Variants in PMPCA observed in about 807,000 individuals in gnomAD.
PMPCA encodes the protein mitochondrial-processing peptidase subunit alpha.
Under a neutral mutation model 59.3 loss-of-function variants are expected in PMPCA, and 47 were observed. The ratio of observed to expected loss-of-function variants is 0.79; its 90% CI spans 0.63 to 1.01. The LOEUF (loss-of-function observed/expected upper bound fraction) is 1.01, where lower values mean the gene tolerates loss of function less well. Ranked by LOEUF, PMPCA falls within the 50% of genes least tolerant of loss-of-function variation. The probability of loss-of-function intolerance (pLI) is 0.00; values close to 1 mark genes in which losing one functional copy is unlikely to be tolerated. For missense variants in PMPCA, 726 were observed against 704.5 expected (o/e 1.03, Z -0.34); for synonymous variants, 338 against 290.3 (o/e 1.16, Z -1.67).
chr9:136,422,042 G>A (rs997975124), intron 12 of PMPCA, 66 bp downstream of exon 12: 12 of 1,556,338 alleles, frequency 7.7e-6, no homozygotes, highest in African/African-American at 6.8e-5. Context: ...AGGCCGTCTC[G>A]CCCTCCCGCA....
At chr9:136,415,296 A>G (rs1159773172) in intron 5 of PMPCA, among the ~76,000 whole-genome samples, 1 of 152,176 alleles carries the variant, frequency 6.6e-6, no homozygotes, top group Non-Finnish European at 1.5e-5. Flanking sequence ...TGTTTGAGAG[A>G]ATGTGTATTT....
rs576300783 is a variant in PMPCA at position 136,423,638 on chromosome 9, G to A, written c.*374G>A. 5.8e-5 allele frequency: 14 copies of A among 241,048 alleles called. No homozygotes were observed. The highest frequency in any genetic ancestry group is 1.1e-4 in the Non-Finnish European group (13 of 120,604). 14.9% of individuals were successfully genotyped at this position (241,048 alleles called of 1,614,324 possible). On this transcript the variant is annotated 3_prime_UTR_variant, in exon 13 of 13. Transcript: ENST00000371717. ...CTATCAAAGCCTCCCGGAGGCCACCGTGCTGGGTACCAGGACTCACCTCTG... is the reference window on the plus strand; with the variant it reads ...CTATCAAAGCCTCCCGGAGGCCACCATGCTGGGTACCAGGACTCACCTCTG...
chr9:136,418,947 G>T, intron 10 of PMPCA, 29 bp downstream of exon 10: 2 of 1,609,216 alleles, frequency 1.2e-6, no homozygotes, highest in South Asian at 1.1e-5. Flanking sequence ...ACCGTCCTCA[G>T]TGCGGTTGCC....
chr9:136,415,715 C>T (rs966136351), intron 5 of PMPCA, among the ~76,000 whole-genome samples: 3 of 152,228 alleles, frequency 2.0e-5, no homozygotes, highest in African/African-American at 7.2e-5. Flanking sequence ...TCACTGCAAC[C>T]TCCACCTCCC....
In PMPCA at chr9:136,421,968, C is replaced by G. The variant is rs750600439; in HGVS notation, c.1400C>G (p.Thr467Arg). ...RSRKLPHELC[T>R]LIRNVKPEDV... The stretch of plus-strand genomic sequence containing the variant: ...AGAAAGCTGCCGCACGAGCTGTGCA[C>G]GCTCATCCGTGAGTACCGCAGGGGT... Residue 467 changes from threonine (T) to arginine (R), a missense_variant, in exon 12 of 13, where the codon ACG (threonine) becomes AGG (arginine). Coordinates refer to ENST00000371717, the MANE Select transcript of PMPCA (RefSeq NM_015160.3). The G allele has an allele frequency of 6.2e-7, 1 of 1,611,144 alleles. No homozygotes were observed. The highest frequency in any genetic ancestry group is 1.7e-5 in the Admixed American group (1 of 59,508).
chr9:136,411,712 C>G (rs548098529), intron 1 of PMPCA, among the ~76,000 whole-genome samples: 1 of 152,186 alleles, frequency 6.6e-6, no homozygotes, highest in African/African-American at 2.4e-5. Context: ...CTGTTAAGTG[C>G]TTTATGTGTA....
In PMPCA at chr9:136,423,727, G is replaced by A. The variant is rs1835529552; in HGVS notation, c.*463G>A. On this transcript the variant is annotated 3_prime_UTR_variant, in exon 13 of 13. Coordinates refer to ENST00000371717, the MANE Select transcript of PMPCA (RefSeq NM_015160.3). ...AGCGCGCTCCACGCGCGTGCACACA[G>A]CTTCCCTGGTAATAAAGAGCTGGCA... 1 of 157,204 alleles carries A rather than the reference G, an allele frequency of 6.4e-6. No individual in the cohort carries two copies. Among genetic ancestry groups the A allele is most frequent in the Non-Finnish European group, 1.4e-5 (1 of 71,012 alleles). 9.7% of individuals were successfully genotyped at this position (157,204 alleles called of 1,614,324 possible).
At chr9:136,417,504 G>A (rs1171119373) in intron 7 of PMPCA, among the ~76,000 whole-genome samples, 3 of 148,326 alleles carry the variant, frequency 2.0e-5, no homozygotes, top group East Asian at 2.0e-4. Flanking sequence ...ATGGAGCCTC[G>A]CTCTGTCACC....
Position 136,423,108 on chromosome 9 carries a change from G to A in PMPCA, c.1422G>A (p.Pro474=), listed in dbSNP as rs138731842. ...ELCTLIRNVK[P]EDVKRVASKM... ...CCTCTGCACTAGGCAACGTGAAGCCGGAAGATGTGAAGAGAGTCGCTTCTA... is the reference window on the plus strand; with the variant it reads ...CCTCTGCACTAGGCAACGTGAAGCCAGAAGATGTGAAGAGAGTCGCTTCTA... Residue 474 remains proline (P), a synonymous_variant, in exon 13 of 13, where the codon CCG becomes CCA. Coordinates refer to ENST00000371717, the MANE Select transcript of PMPCA (RefSeq NM_015160.3). The A allele has an allele frequency of 9.2e-5, 148 of 1,612,656 alleles. No homozygotes were observed. In the Middle Eastern group the frequency reaches 1.8e-3, roughly 20 times the overall value.
At position 136,423,543 on chromosome 9, in the gene PMPCA, G is replaced by T; in HGVS notation, c.*279G>T. On this transcript the variant is annotated 3_prime_UTR_variant, in exon 13 of 13. Coordinates refer to ENST00000371717, the MANE Select transcript of PMPCA (RefSeq NM_015160.3). The stretch of plus-strand genomic sequence containing the variant: ...GAGGGCGGTCGGTGCTTCCCTCCTC[G>T]GGCTGTGGGCACATGGGGCCCCGCA... 1 of 383,252 alleles carries T rather than the reference G, an allele frequency of 2.6e-6. No individual in the cohort carries two copies. The highest frequency in any genetic ancestry group is 4.9e-6 in the Non-Finnish European group (1 of 205,804). The allele number at this position is 383,252 out of a possible 1,614,324, so 23.7% of individuals were successfully genotyped here.
chr9:136,422,943 C>T lies in PMPCA; in HGVS notation c.1409-152C>T, dbSNP rs529226272. 2.8e-4 allele frequency: 400 copies of T among 1,443,156 alleles called. 3 individuals are homozygous for T. The South Asian group carries it at 5.3e-3, about 19-fold the overall frequency. The allele number at this position is 1,443,156 out of a possible 1,614,324, so 89.4% of individuals were successfully genotyped here. A position where few individuals can be genotyped will look rare whatever the true frequency, so the allele number is the denominator to read the frequency against. The stretch of plus-strand genomic sequence containing the variant: ...CTTGTGGACTCACCCTTGGCTACAC[C>T]CAGTGGCTGCCTTTGGGCCCAGGTG... On this transcript the variant is annotated intron_variant, in intron 12 of 12. Coordinates refer to ENST00000371717, the MANE Select transcript of PMPCA (RefSeq NM_015160.3).
chr9:136,414,376 C>A (rs1402977094), intron 4 of PMPCA, among the ~76,000 whole-genome samples, 177 bp from the exon 5 acceptor site: 4 of 151,652 alleles, frequency 2.6e-5, no homozygotes, highest in Non-Finnish European at 5.9e-5. Flanking sequence ...TCTGCTGGGC[C>A]CCAACAAAAG....
chr9:136,417,251 G>T, intron 7 of PMPCA, 37 bp downstream of exon 7: 26 of 1,525,784 alleles, frequency 1.7e-5, no homozygotes, highest in Non-Finnish European at 2.2e-5. Context: ...CTCGGGTGGG[G>T]AACACGTCCC....
chr9:136,413,679 C>G (rs796590230), intron 4 of PMPCA, among the ~76,000 whole-genome samples: 3 of 152,138 alleles, frequency 2.0e-5, no homozygotes, highest in African/African-American at 7.2e-5. Flanking sequence ...ACTCTTGCCT[C>G]GAATCTCACT....
At chr9:136,416,260 A>G (rs1411636820) in intron 5 of PMPCA, 31 bp from the exon 6 acceptor site, 2 of 1,514,612 alleles carry the variant, frequency 1.3e-6, no homozygotes. Context: ...GCCTGTGCAG[A>G]CTCAGCCCTG....
In PMPCA at chr9:136,415,383, C is replaced by T. The variant is rs560465034; in HGVS notation, c.532+736C>T. 3.3e-5 allele frequency among the ~76,000 whole-genome samples: 5 copies of T among 152,324 alleles called. No homozygotes were observed. The East Asian group carries it at 5.8e-4, about 18-fold the overall frequency. On this transcript the variant is annotated intron_variant, in intron 5 of 12. Transcript: ENST00000371717. ...TTGATTTCGGAAGGGCACCTCGGAC[C>T]GTCTTTAAACAAGTGGAATGGTGTG...
In PMPCA at chr9:136,418,197, C is replaced by T. The variant is rs913136512; in HGVS notation, c.990+88C>T. The T allele has an allele frequency of 4.1e-5, 39 of 953,690 alleles. No homozygotes were observed. The Middle Eastern group carries it at 1.5e-3, about 37-fold the overall frequency. 59.1% of individuals were successfully genotyped at this position (953,690 alleles called of 1,614,324 possible). A position where few individuals can be genotyped will look rare whatever the true frequency, so the allele number is the denominator to read the frequency against. ...GCCCTCTGTCCCTGGCATCCGACAG[C>T]GCTCCTGATGGGGCGTGGGCGGCTC... On this transcript the variant is annotated intron_variant, in intron 8 of 12. Coordinates refer to ENST00000371717, the MANE Select transcript of PMPCA (RefSeq NM_015160.3).
In PMPCA at chr9:136,412,006, T is replaced by G. The variant is rs764889080; in HGVS notation, c.81T>G (p.Pro27=). ...SWGCSRLRFG[P]PAYRRFSSGG... The stretch of plus-strand genomic sequence containing the variant: ...GCTTTCTCTGTTTTAGGTTTGGACC[T>G]CCTGCGTACAGACGGTTTAGTAGTG... Residue 27 remains proline, a synonymous_variant, in exon 2 of 13, where the codon CCT becomes CCG. Coordinates refer to ENST00000371717, the MANE Select transcript of PMPCA (RefSeq NM_015160.3). 3 of 1,608,994 alleles carry G rather than the reference T, an allele frequency of 1.9e-6. No homozygotes were observed. The highest frequency in any genetic ancestry group is 1.7e-5 in the Admixed American group (1 of 59,938).
chr9:136,412,979 C>T, intron 4 of PMPCA, 87 bp downstream of exon 4: 2 of 815,844 alleles, frequency 2.5e-6, no homozygotes, highest in Non-Finnish European at 4.3e-6. Flanking sequence ...GAGCCCCTCC[C>T]AGCGGGAGGT....
Sources: allele counts gnomAD v4.1 joint callset (sites outside exome capture counted in the v4.1 genomes callset), GRCh38; gene constraint gnomAD v4.1.1; transcripts MANE v1.5; gene names NCBI Gene and HGNC (gene_info 2026-07-23, HGNC 2026-07-21).